ZNF410: variants seen among roughly 807,000 people sequenced by gnomAD.
The protein encoded by ZNF410 is another partner for ARF 1.
In ZNF410, 18 loss-of-function variants were observed where a neutral mutation model predicts 54.8. That is an observed-to-expected ratio of 0.33 (90% CI 0.23 to 0.49). The LOEUF (loss-of-function observed/expected upper bound fraction) is 0.49. Ranked by LOEUF, ZNF410 falls within the 20% of genes least tolerant of loss-of-function variation. ZNF410 has a pLI of 0.99. For missense variants in ZNF410, 405 were observed against 569.6 expected, an observed-to-expected ratio of 0.71 and a Z score of 2.94; for synonymous variants, 191 against 207.3, an observed-to-expected ratio of 0.92 and a Z score of 0.68.
At chr14:73,903,932 G>A in intron 5 of ZNF410, 28 bp from the exon 6 acceptor site, 2 of 1,613,510 alleles carry the variant, frequency 1.2e-6, no homozygotes, top group Non-Finnish European at 1.7e-6. Context: ...GTCTTTCCCT[G>A]GATTACAAAT....
Position 73,903,674 on chromosome 14 carries a change from G to GTTTT in ZNF410, c.581-285_581-284insTTTT, listed in dbSNP as rs569015377. On this transcript the variant is annotated intron_variant, in intron 5 of 11. Coordinates refer to ENST00000555044, the MANE Select transcript of ZNF410 (RefSeq NM_021188.3). ...CTAATTTTTGTTTGTTTGTTTGTTTGTGTTTTGTAAAGATATGGTTTCACC... is the reference window on the plus strand; with the variant it reads ...CTAATTTTTGTTTGTTTGTTTGTTTGTTTTTGTTTTGTAAAGATATGGTTTCACC... 457 of 340,390 alleles carry GTTTT rather than the reference G, an allele frequency of 1.3e-3. 1 individual carries two copies. The highest frequency in any genetic ancestry group is 5.0e-3 in the Middle Eastern group (6 of 1,194). 21.1% of individuals were successfully genotyped at this position (340,390 alleles called of 1,614,324 possible).
chr14:73,916,483 G>C (rs2055669293), intron 8 of ZNF410: 1 of 152,220 alleles, frequency 6.6e-6, no homozygotes, highest in African/African-American at 2.4e-5. Context: ...GCCTGGCCTG[G>C]TTGTTATTTT....
In ZNF410 at chr14:73,904,906, G is replaced by T; in HGVS notation, c.736G>T (p.Asp246Tyr). 1 of 1,611,606 alleles carries T rather than the reference G, an allele frequency of 6.2e-7. No homozygotes were observed. The highest frequency in any genetic ancestry group is 1.1e-5 in the South Asian group (1 of 90,652). Residue 246 changes from aspartate to tyrosine, a missense_variant, in exon 7 of 12, where the codon GAC (aspartate) becomes TAC (tyrosine). Physicochemically the swap from Asp to Tyr is radical, Grantham distance 160. Transcript: ENST00000555044. ...CTTATGTGATTATTTTTGCAGAAATGACCGCTCCTTCATCTGTCCTGCAGA... is the reference window on the plus strand; with the variant it reads ...CTTATGTGATTATTTTTGCAGAAATTACCGCTCCTTCATCTGTCCTGCAGA... ...FKYHLKTHRNDRSFICPAEGC... is the reference protein window; with the variant it reads ...FKYHLKTHRNYRSFICPAEGC...
At chr14:73,893,960 A>C in intron 3 of ZNF410, 28 bp downstream of exon 3, 1 of 1,597,074 alleles carries the variant, frequency 6.3e-7, no homozygotes. Context: ...TAGAAATAGG[A>C]TAAAGAAGTC....
At chr14:73,922,045 C>T in intron 9 of ZNF410, 21 bp from the exon 10 acceptor site, 2 of 1,612,968 alleles carry the variant, frequency 1.2e-6, no homozygotes, top group South Asian at 1.1e-5. Context: ...GTATGTCTCT[C>T]ACAACCTATT....
At chr14:73,899,785 G>A (rs1455979480) in intron 5 of ZNF410, among the ~76,000 whole-genome samples, 1 of 152,184 alleles carries the variant, frequency 6.6e-6, no homozygotes, top group Admixed American at 6.6e-5. Flanking sequence ...TGGAGATTAT[G>A]TAACATTCTA....
chr14:73,905,268 T>C, intron 7 of ZNF410, 185 bp downstream of exon 7: 1 of 634,860 alleles, frequency 1.6e-6, no homozygotes, highest in Non-Finnish European at 2.6e-6. Flanking sequence ...TATTTTTACC[T>C]GTGTGTGTAG....
At chr14:73,912,803 T>C (rs1388840340) in intron 8 of ZNF410, among the ~76,000 whole-genome samples, 1 of 152,228 alleles carries the variant, frequency 6.6e-6, no homozygotes, top group African/African-American at 2.4e-5. Flanking sequence ...TGGTAGTATA[T>C]AGAAATACAA....
Position 73,931,599 on chromosome 14 carries a change from G to A in ZNF410, c.*58G>A, listed in dbSNP as rs1049830472. The A allele has an allele frequency of 5.9e-6, 9 of 1,513,720 alleles. No individual in the cohort carries two copies. Among genetic ancestry groups the A allele is most frequent in the Middle Eastern group, 3.4e-4 (2 of 5,898 alleles). The allele number at this position is 1,513,720 out of a possible 1,614,324, so 93.8% of individuals were successfully genotyped here. A position where few individuals can be genotyped will look rare whatever the true frequency, so the allele number is the denominator to read the frequency against. Reference sequence around the variant, plus strand: ...ATCTGATCTCAAAATGCGTATACTGGGAACAGGATGCCTTAGCCCACAACA... The same window carrying A: ...ATCTGATCTCAAAATGCGTATACTGAGAACAGGATGCCTTAGCCCACAACA... On this transcript the variant is annotated 3_prime_UTR_variant, in exon 12 of 12. Transcript: ENST00000555044.
At chr14:73,915,772 C>T (rs185567044) in intron 8 of ZNF410, 7 of 152,268 alleles carry the variant, frequency 4.6e-5, no homozygotes, top group African/African-American at 7.2e-5. Flanking sequence ...CAAACACCTT[C>T]GTGTGTCTGT....
At chr14:73,894,052 G>A in intron 3 of ZNF410, 120 bp downstream of exon 3, 5 of 1,319,372 alleles carry the variant, frequency 3.8e-6, no homozygotes, top group Non-Finnish European at 5.1e-6. Flanking sequence ...TAAAAATTAG[G>A]AGTCATGGAG....
At chr14:73,920,048 T>C (rs2055733993) in intron 8 of ZNF410, 1 of 152,150 alleles carries the variant, frequency 6.6e-6, no homozygotes, top group Admixed American at 6.6e-5. Context: ...TTTCACATTT[T>C]GCTGCTGTAA....
intron 8 of ZNF410, chr14:73,920,322 T>A (rs1449195349): frequency 1.3e-5 from 2 of 152,178 alleles, no homozygotes; most frequent in Non-Finnish European, 2.9e-5. Context: ...AATCTACCCA[T>A]GGCAACAGTT....
chr14:73,918,524 T>TC (rs1363376710), intron 8 of ZNF410, among the ~76,000 whole-genome samples: 1 of 152,042 alleles, frequency 6.6e-6, no homozygotes, highest in Non-Finnish European at 1.5e-5. Flanking sequence ...CCACAACATT[T>TC]CATCATCCCA....
rs566957638 is a variant in ZNF410, at chr14:73,930,724, T to C, written c.1399-779T>C. Among the ~76,000 whole-genome samples, 3 of 152,224 alleles carry C rather than the reference T, an allele frequency of 2.0e-5. No individual in the cohort carries two copies. The South Asian group carries it at 6.2e-4, about 32-fold the overall frequency. ...CTCAAGTGATCCTCCTCCCTCAGCC[T>C]CCCAAGTAGCTAGGACTGCAAGCAT... On this transcript the variant is annotated intron_variant, in intron 11 of 11. Coordinates refer to ENST00000555044, the MANE Select transcript of ZNF410 (RefSeq NM_021188.3).
intron 8 of ZNF410, among the ~76,000 whole-genome samples, chr14:73,910,231 A>G (rs1421409490): frequency 1.3e-5 from 2 of 152,172 alleles, no homozygotes; most frequent in Non-Finnish European, 2.9e-5. Context: ...CTTACTGAAG[A>G]TTTATCTGGC....
chr14:73,930,293 T>C (rs1321641780), intron 11 of ZNF410, among the ~76,000 whole-genome samples: 1 of 152,210 alleles, frequency 6.6e-6, no homozygotes, highest in Non-Finnish European at 1.5e-5. Flanking sequence ...AGATTTTGTT[T>C]AAAAGTCTTT....
In ZNF410 at chr14:73,921,100, A is replaced by T; in HGVS notation, c.1124A>T (p.Gln375Leu). The T allele has an allele frequency of 6.2e-7, 1 of 1,613,964 alleles. No individual in the cohort carries two copies. The highest frequency in any genetic ancestry group is 8.5e-7 in the Non-Finnish European group (1 of 1,179,978). ...GCAGCTGGGAGTCAAGAGCAGGAGC[A>T]AACTGGTGAGGAGGGTGGGCATAGT... ...LGAAGSQEQE[Q>L]TAEPLMGSSL... The change falls in exon 9 of 12, where the codon CAA becomes CTA. Residue 375 changes from glutamine (Q) to leucine (L), a missense_variant. Transcript: ENST00000555044.
intron 8 of ZNF410, chr14:73,916,945 A>T (rs1247987675): frequency 6.6e-6 from 1 of 150,734 alleles, no homozygotes; most frequent in Non-Finnish European, 1.5e-5. Flanking sequence ...GCACCACTGC[A>T]CTCCAGCCTG....
Sources: gnomAD v4.1 joint callset for allele counts (sites outside exome capture counted in the v4.1 genomes callset) on GRCh38, gnomAD v4.1.1 for gene constraint, MANE v1.5 for transcripts, NCBI Gene and HGNC (gene_info 2026-07-23, HGNC 2026-07-21) for gene names.